The following SKIL variants were observed in gnomAD, a reference collection of about 807,000 sequenced individuals.
SKIL encodes the protein SKI like proto-oncogene.
SKIL carries 20 observed loss-of-function variants against 69.6 expected under a neutral mutation model. The ratio of observed to expected loss-of-function variants is 0.29; its 90% CI spans 0.20 to 0.42. SKIL has a LOEUF of 0.42. Ranked by LOEUF, SKIL falls within the 10% of genes least tolerant of loss-of-function variation. The pLI is 1.00. For synonymous variants in SKIL, 310 were observed against 279.9 expected (o/e 1.11, Z -1.08); for missense variants, 745 against 783.1 (o/e 0.95, Z 0.58).
intron 2 of SKIL, among the ~76,000 whole-genome samples, chr3:170,371,508 AAAAAAG>A (rs1736805101): frequency 6.6e-6 from 1 of 152,194 alleles, no homozygotes; most frequent in African/African-American, 2.4e-5. Flanking sequence ...CTCTGTCTCA[AAAAAAG>A]AAAAAGAAAA....
chr3:170,391,621 C>T (rs1465129178), intron 6 of SKIL, among the ~76,000 whole-genome samples: 2 of 152,020 alleles, frequency 1.3e-5, no homozygotes, highest in African/African-American at 2.4e-5. Context: ...ACCCGGCCAC[C>T]GTTACTTCTC....
At position 170,360,150 on chromosome 3, in the gene SKIL, C is replaced by G; in HGVS notation, c.-182C>G. On this transcript the variant is annotated 5_prime_UTR_variant, in exon 2 of 7. Transcript: ENST00000259119. ...TATAGGATTTGTAGTGAAATTATAC[C>G]AGATTATAAGGAGAACCAAAACTAA... 1 of 522,872 alleles carries G rather than the reference C, an allele frequency of 1.9e-6. No individual in the cohort carries two copies. The highest frequency in any genetic ancestry group is 3.3e-6 in the Non-Finnish European group (1 of 299,354). 32.4% of individuals were successfully genotyped at this position (522,872 alleles called of 1,614,324 possible). A position where few individuals can be genotyped will look rare whatever the true frequency, so the allele number is the denominator to read the frequency against.
intron 3 of SKIL, among the ~76,000 whole-genome samples, chr3:170,383,335 G>T (rs2108217102): frequency 6.6e-6 from 1 of 152,258 alleles, no homozygotes; most frequent in East Asian, 1.9e-4. Context: ...GCTCAAAAAT[G>T]GATGTTATTA....
intron 1 of SKIL, among the ~76,000 whole-genome samples, chr3:170,359,435 A>C (rs2108888863): frequency 6.6e-6 from 1 of 152,180 alleles, no homozygotes; most frequent in African/African-American, 2.4e-5. Context: ...GTTTCTACTA[A>C]AAATACAAAA....
intron 6 of SKIL, among the ~76,000 whole-genome samples, chr3:170,391,865 A>G (rs1193388014): frequency 6.6e-6 from 1 of 152,238 alleles, no homozygotes; most frequent in African/African-American, 2.4e-5. Flanking sequence ...TGAGCTTTCA[A>G]ATCTACAAAT....
At position 170,384,620 on chromosome 3, in the gene SKIL, A is replaced by G. The variant is rs1198418475; in HGVS notation, c.1284A>G (p.Thr428=). The G allele has an allele frequency of 3.1e-6, 5 of 1,612,930 alleles. No homozygotes were observed. The highest frequency in any genetic ancestry group is 3.3e-5 in the Admixed American group (2 of 59,976). ...AVSQSKELTK[T]EASKSISRQS... is the part of the protein sequence containing the mutation. ...CCCAGTCTAAAGAGCTCACAAAGACAGAGGCAAGTAAGTCCATATCAAGAC... is the reference window on the plus strand; with the variant it reads ...CCCAGTCTAAAGAGCTCACAAAGACGGAGGCAAGTAAGTCCATATCAAGAC... Residue 428 remains threonine, a synonymous_variant, in exon 4 of 7, where the codon ACA becomes ACG. Transcript: ENST00000259119.
chr3:170,380,655 A>T (rs4955721), intron 2 of SKIL, among the ~76,000 whole-genome samples: 123,166 of 151,384 alleles, frequency 0.81, 50,361 homozygotes, highest in East Asian at 0.87. Context: ...AAAAAAAAAA[A>T]AAATAAATAA....
At position 170,372,565 on chromosome 3, in the gene SKIL, C is replaced by T. The variant is rs372662878; in HGVS notation, c.1099-8679C>T. 1.6e-3 allele frequency among the ~76,000 whole-genome samples: 248 copies of T among 152,328 alleles called. 6 individuals are homozygous for T. The highest frequency in any genetic ancestry group is 5.7e-3 in the African/African-American group (239 of 41,574). On this transcript the variant is annotated intron_variant, in intron 2 of 6. Coordinates refer to ENST00000259119, the MANE Select transcript of SKIL (RefSeq NM_005414.5). ...CTGTTCTGTTTCATTTATTGAAACACTAACTCACAACATGTTGGAAATATT... is the reference window on the plus strand; with the variant it reads ...CTGTTCTGTTTCATTTATTGAAACATTAACTCACAACATGTTGGAAATATT...
At chr3:170,383,929 A>T (rs1197241689) in intron 3 of SKIL, among the ~76,000 whole-genome samples, 1 of 151,804 alleles carries the variant, frequency 6.6e-6, no homozygotes, top group African/African-American at 2.4e-5. Flanking sequence ...GTTGTTACAC[A>T]GCTGTATAAA....
At chr3:170,375,096 C>A (rs1411738688) in intron 2 of SKIL, among the ~76,000 whole-genome samples, 1 of 152,170 alleles carries the variant, frequency 6.6e-6, no homozygotes, top group Non-Finnish European at 1.5e-5. Flanking sequence ...AAGGCTGGTT[C>A]TTGACCTCAA....
Position 170,360,092 on chromosome 3 carries a change from TTTC to T in SKIL, c.-237_-235del. ...AAGGCATCCTCAGAGGTGTGCCTCT[TTTC>T]TTTATTATTAGAGGCAAAACGAACA... On this transcript the variant is annotated 5_prime_UTR_variant, in exon 2 of 7. Transcript: ENST00000259119. 2.5e-6 allele frequency: 1 copy of T among 404,818 alleles called. No individual in the cohort carries two copies. Among genetic ancestry groups the T allele is most frequent in the Non-Finnish European group, 4.4e-6 (1 of 228,466 alleles). 25.1% of individuals were successfully genotyped at this position (404,818 alleles called of 1,614,324 possible).
At chr3:170,366,910 T>C (rs916941125) in intron 2 of SKIL, among the ~76,000 whole-genome samples, 1 of 152,230 alleles carries the variant, frequency 6.6e-6, no homozygotes, top group Non-Finnish European at 1.5e-5. Context: ...AGATCAAATA[T>C]ATGTAAACAA....
At position 170,366,234 on chromosome 3, in the gene SKIL, T is replaced by TA. The variant is rs200367028; in HGVS notation, c.1098+4807dup. On this transcript the variant is annotated intron_variant, in intron 2 of 6. Transcript: ENST00000259119. ...GTAAGTTGTTCGAAATGAAACAACTTAATTATTTTACAATTATAAAATATG... is the reference window on the plus strand; with the variant it reads ...GTAAGTTGTTCGAAATGAAACAACTTAAATTATTTTACAATTATAAAATATG... 8.0e-3 allele frequency among the ~76,000 whole-genome samples: 1,224 copies of TA among 152,148 alleles called. 16 individuals are homozygous for TA. Among genetic ancestry groups the TA allele is most frequent in the African/African-American group, 0.028 (1,167 of 41,530 alleles).
rs1738047858 is a variant in SKIL, at chr3:170,393,801, A to G, written c.*1384A>G. 2 of 152,178 alleles carry G rather than the reference A, an allele frequency of 1.3e-5. No individual in the cohort carries two copies. The highest frequency in any genetic ancestry group is 1.3e-4 in the Admixed American group (2 of 15,274). The allele number at this position is 152,178 out of a possible 1,614,324, so 9.4% of individuals were successfully genotyped here. On this transcript the variant is annotated 3_prime_UTR_variant, in exon 7 of 7. Transcript: ENST00000259119. ...ATGTATGAAATTACTTCAGAGAGCT[A>G]TATTTATTTTAAAATAAATTAGCTA... is the stretch of plus-strand genomic sequence containing the variant.
chr3:170,366,000 C>T (rs1186738017), intron 2 of SKIL, among the ~76,000 whole-genome samples: 3 of 151,640 alleles, frequency 2.0e-5, no homozygotes, highest in African/African-American at 7.3e-5. Flanking sequence ...AGATGATCCA[C>T]CTGCCTCGGC....
At chr3:170,378,632 A>G (rs1737164012) in intron 2 of SKIL, among the ~76,000 whole-genome samples, 1 of 142,172 alleles carries the variant, frequency 7.0e-6, no homozygotes, top group Non-Finnish European at 1.5e-5. Flanking sequence ...GCTCACTGCA[A>G]CCTCTGCCTC....
chr3:170,380,479 C>CG (rs1737278395), intron 2 of SKIL, among the ~76,000 whole-genome samples: 1 of 151,926 alleles, frequency 6.6e-6, no homozygotes, highest in Non-Finnish European at 1.5e-5. Context: ...CCAATCTCTA[C>CG]TAAGAATACA....
chr3:170,360,473 A>G lies in SKIL; in HGVS notation c.142A>G (p.Thr48Ala), dbSNP rs1254681237. 1.9e-6 allele frequency: 3 copies of G among 1,613,924 alleles called. No homozygotes were observed. Among genetic ancestry groups the G allele is most frequent in the African/African-American group, 2.7e-5 (2 of 74,928 alleles). ...TGGAAAAACGATAAACAAGGTGCCA[A>G]CAGTTAAGAAGGAACACTTGGATGA... ...ANGKTINKVPTVKKEHLDDYG... is the reference protein window; with the variant it reads ...ANGKTINKVPAVKKEHLDDYG... The change falls in exon 2 of 7, where the codon ACA (threonine) becomes GCA (alanine). Residue 48 changes from threonine (T) to alanine (A), a missense_variant. Thr to Ala is a moderately conservative substitution (Grantham distance 58). Transcript: ENST00000259119.
At chr3:170,363,031 C>T (rs1736323207) in intron 2 of SKIL, among the ~76,000 whole-genome samples, 1 of 151,676 alleles carries the variant, frequency 6.6e-6, no homozygotes, top group Non-Finnish European at 1.5e-5. Context: ...GTTCCTAACA[C>T]TAAGTGTTTA....
Sources: allele counts gnomAD v4.1 joint callset (sites outside exome capture counted in the v4.1 genomes callset), GRCh38; gene constraint gnomAD v4.1.1; transcripts MANE v1.5; gene names NCBI Gene and HGNC (gene_info 2026-07-23, HGNC 2026-07-21).